The following PNPLA8 variants were observed in gnomAD, a reference collection of about 807,000 sequenced individuals.
The protein encoded by PNPLA8 is patatin like domain 8, phospholipase A2, also known as calcium-independent phospholipase A2-gamma.
A neutral mutation model predicts 76.9 loss-of-function variants in PNPLA8; 39 were observed. The ratio of observed to expected loss-of-function variants is 0.51; its 90% confidence interval spans 0.39 to 0.66. The LOEUF is 0.66. Among genes scored for constraint, PNPLA8 ranks in the 30% least tolerant of loss-of-function variants. PNPLA8 has a pLI of 0.00. For synonymous variants in PNPLA8, 301 were observed against 307.9 expected, an observed-to-expected ratio of 0.98 and a Z score of 0.24; for missense variants, 887 against 918.0, an observed-to-expected ratio of 0.97 and a Z score of 0.44.
intron 4 of PNPLA8, chr7:108,510,503 G>T (rs1862834684): frequency 7.2e-7 from 1 of 1,384,388 alleles, no homozygotes; most frequent in Non-Finnish European, 1.0e-6. Context: ...ACTGGCATTT[G>T]TCATCAGAAT....
intron 9 of PNPLA8, among the ~76,000 whole-genome samples, chr7:108,486,467 T>A (rs1860744022): frequency 6.6e-6 from 1 of 152,092 alleles, no homozygotes; most frequent in Admixed American, 6.6e-5. Flanking sequence ...CAGTACTTTC[T>A]GCCCAGAGTG....
chr7:108,501,755 C>T (rs1861964160), intron 5 of PNPLA8, among the ~76,000 whole-genome samples: 1 of 152,060 alleles, frequency 6.6e-6, no homozygotes, highest in Admixed American at 6.6e-5. Flanking sequence ...ACTTGGGAGG[C>T]AGAGGTTGCA....
intron 4 of PNPLA8, among the ~76,000 whole-genome samples, chr7:108,503,287 T>C (rs1862096873): frequency 6.6e-6 from 1 of 152,228 alleles, no homozygotes; most frequent in Non-Finnish European, 1.5e-5. Flanking sequence ...CTCTAGCTTC[T>C]GTACACAGAA....
chr7:108,506,293 G>T (rs1011580571), intron 4 of PNPLA8, among the ~76,000 whole-genome samples: 1 of 152,032 alleles, frequency 6.6e-6, no homozygotes, highest in African/African-American at 2.4e-5. Flanking sequence ...CAGGAGAACT[G>T]CTTGAACCCA....
At chr7:108,510,918 G>T (rs1238436542) in intron 4 of PNPLA8, 35 of 1,585,932 alleles carry the variant, frequency 2.2e-5, no homozygotes, top group Non-Finnish European at 2.6e-5. Flanking sequence ...TTTGTAGAAG[G>T]TGGAGATGCT....
chr7:108,501,304 A>C (rs1861929405), intron 5 of PNPLA8, among the ~76,000 whole-genome samples: 1 of 152,220 alleles, frequency 6.6e-6, no homozygotes, highest in African/African-American at 2.4e-5. Context: ...GGAACTAGAT[A>C]AACAAAGACT....
chr7:108,490,708 C>T (rs538769503), intron 8 of PNPLA8, among the ~76,000 whole-genome samples: 23 of 149,514 alleles, frequency 1.5e-4, no homozygotes, highest in Non-Finnish European at 2.1e-4. Context: ...GGCGTGAGCC[C>T]GGGAGGCGGA....
chr7:108,522,956 C>T (rs1392023583), intron 1 of PNPLA8, among the ~76,000 whole-genome samples: 5 of 151,998 alleles, frequency 3.3e-5, no homozygotes, highest in Non-Finnish European at 4.4e-5. Flanking sequence ...GTTTAATTGC[C>T]CCCAAATCAC....
intron 10 of PNPLA8, among the ~76,000 whole-genome samples, chr7:108,475,945 C>T (rs975903212): frequency 6.7e-6 from 1 of 149,634 alleles, no homozygotes; most frequent in African/African-American, 2.5e-5. Flanking sequence ...GAAGTCTTAA[C>T]TCTCTTTTAA....
At chr7:108,478,582 G>A (rs1189475929) in intron 10 of PNPLA8, among the ~76,000 whole-genome samples, 1 of 152,058 alleles carries the variant, frequency 6.6e-6, no homozygotes, top group African/African-American at 2.4e-5. Flanking sequence ...AGTAGAGATG[G>A]TGTTTTACCA....
At chr7:108,496,874 T>G in intron 6 of PNPLA8, 119 bp from the exon 7 acceptor site, 1 of 730,422 alleles carries the variant, frequency 1.4e-6, no homozygotes, top group East Asian at 3.1e-5. Context: ...CTATGTCACC[T>G]GGGACAAATG....
At chr7:108,510,529 C>T (rs549877479) in intron 4 of PNPLA8, 9 of 1,369,284 alleles carry the variant, frequency 6.6e-6, no homozygotes, top group East Asian at 2.3e-5. Flanking sequence ...GTATCAGTGG[C>T]GTGAGCCCAA....
At chr7:108,476,719 A>G (rs1860019584) in intron 10 of PNPLA8, among the ~76,000 whole-genome samples, 1 of 152,250 alleles carries the variant, frequency 6.6e-6, no homozygotes. Context: ...ACAATAGCCA[A>G]GATATGAAAA....
At chr7:108,484,349 A>G (rs1860598915) in intron 9 of PNPLA8, among the ~76,000 whole-genome samples, 1 of 152,100 alleles carries the variant, frequency 6.6e-6, no homozygotes, top group Non-Finnish European at 1.5e-5. Flanking sequence ...TTGGGCTAAT[A>G]TTAGGTCCAT....
chr7:108,513,246 T>A (rs1045273961), intron 4 of PNPLA8, among the ~76,000 whole-genome samples: 1 of 152,150 alleles, frequency 6.6e-6, no homozygotes, highest in South Asian at 2.1e-4. Context: ...CATATGTATA[T>A]TTGAGAATCT....
chr7:108,505,470 C>A (rs1346629773), intron 4 of PNPLA8, among the ~76,000 whole-genome samples: 2 of 145,166 alleles, frequency 1.4e-5, no homozygotes, highest in East Asian at 2.2e-4. Flanking sequence ...TCAAGCCATT[C>A]TCCTGCCTCA....
chr7:108,526,053 G>A lies in PNPLA8; in HGVS notation c.-154C>T. On this transcript the variant is annotated 5_prime_UTR_variant, in exon 1 of 11. Transcript: ENST00000257694. ...CCGGGATGCAGGCCGCAGTCACTAG[G>A]GCTGCAGCGGCGACTCGCTCGTTCC... 1.0e-6 allele frequency: 1 copy of A among 985,754 alleles called. No homozygotes were observed. Among genetic ancestry groups the A allele is most frequent in the Non-Finnish European group, 1.2e-6 (1 of 830,098 alleles). The allele number at this position is 985,754 out of a possible 1,614,324, so 61.1% of individuals were successfully genotyped here.
At chr7:108,500,355 T>A (rs1325284641) in intron 5 of PNPLA8, among the ~76,000 whole-genome samples, 1 of 152,236 alleles carries the variant, frequency 6.6e-6, no homozygotes, top group Non-Finnish European at 1.5e-5. Context: ...ATCACATGAA[T>A]GACATACACT....
At chr7:108,477,414 G>A (rs1860077704) in intron 10 of PNPLA8, among the ~76,000 whole-genome samples, 1 of 152,156 alleles carries the variant, frequency 6.6e-6, no homozygotes, top group South Asian at 2.1e-4. Flanking sequence ...GGGAGTTTAA[G>A]ATTCTCACTT....
Sources: allele counts gnomAD v4.1 joint callset (sites outside exome capture counted in the v4.1 genomes callset), GRCh38; gene constraint gnomAD v4.1.1; transcripts MANE v1.5; gene names NCBI Gene and HGNC (gene_info 2026-07-23, HGNC 2026-07-21).